PTPRD: variants seen among roughly 807,000 people sequenced by gnomAD.
PTPRD encodes the protein protein tyrosine phosphatase receptor type D.
A neutral mutation model predicts 214.5 loss-of-function variants in PTPRD; 34 were observed. The observed-to-expected ratio is 0.16, with a 90% confidence interval of 0.12 to 0.21. The LOEUF is 0.21. Ranked by LOEUF, PTPRD falls within the 10% of genes least tolerant of loss-of-function variation. The probability of loss-of-function intolerance (pLI) is 1.00; values close to 1 mark genes in which losing one functional copy is unlikely to be tolerated. For missense variants in PTPRD, 2,545 were observed against 2,398.7 expected (o/e 1.06, Z -1.27); for synonymous variants, 1,128 against 845.7 (o/e 1.33, Z -5.79).
intron 3 of PTPRD, among the ~76,000 whole-genome samples, chr9:10,309,027 A>G: frequency 6.6e-6 from 1 of 152,092 alleles, no homozygotes; most frequent in Non-Finnish European, 1.5e-5. Context: ...TTTGATATAT[A>G]AAGCCAAATT....
intron 7 of PTPRD, among the ~76,000 whole-genome samples, chr9:9,619,618 T>C (rs1467619983): frequency 1.4e-5 from 2 of 145,868 alleles, no homozygotes; most frequent in Admixed American, 6.9e-5. Context: ...AATATCTATA[T>C]ATAATAATCT....
chr9:9,037,114 G>A (rs999908802), intron 10 of PTPRD, among the ~76,000 whole-genome samples: 5 of 152,108 alleles, frequency 3.3e-5, no homozygotes, highest in Middle Eastern at 3.2e-3. Flanking sequence ...CTCACTCCGT[G>A]CCTGGAATCT....
At chr9:8,833,005 T>G (rs1325311352) in intron 11 of PTPRD, among the ~76,000 whole-genome samples, 1 of 152,144 alleles carries the variant, frequency 6.6e-6, no homozygotes, top group Admixed American at 6.5e-5. Context: ...TATTCTTACT[T>G]TGCAGATGAA....
intron 10 of PTPRD, among the ~76,000 whole-genome samples, chr9:9,064,590 C>T (rs2099721398): frequency 6.6e-6 from 1 of 152,130 alleles, no homozygotes; most frequent in Non-Finnish European, 1.5e-5. Flanking sequence ...ATAAAAAAGT[C>T]CATTATATTC....
intron 39 of PTPRD, among the ~76,000 whole-genome samples, chr9:8,353,421 A>AATGT (rs1564195567): frequency 3.6e-5 from 4 of 109,776 alleles, no homozygotes; most frequent in African/African-American, 1.0e-4. Context: ...TTTATTTATG[A>AATGT]ATGTATGAAT....
chr9:10,577,612 G>A (rs531794294), intron 2 of PTPRD, among the ~76,000 whole-genome samples: 5 of 152,252 alleles, frequency 3.3e-5, no homozygotes, highest in African/African-American at 1.2e-4. Flanking sequence ...AATTTTAATT[G>A]TTTTATGCAA....
chr9:9,154,263 T>C (rs2099879315), intron 10 of PTPRD, among the ~76,000 whole-genome samples: 1 of 152,222 alleles, frequency 6.6e-6, no homozygotes, highest in African/African-American at 2.4e-5. Context: ...TGTGGTTGTT[T>C]GTTACCGTCT....
intron 7 of PTPRD, among the ~76,000 whole-genome samples, chr9:9,683,354 T>C (rs1280879391): frequency 6.6e-6 from 1 of 151,698 alleles, no homozygotes; most frequent in Admixed American, 6.6e-5. Context: ...ATCACAGAAC[T>C]TTGTCAGCTG....
chr9:8,798,657 G>C (rs7871947), intron 11 of PTPRD, among the ~76,000 whole-genome samples: 28 of 152,136 alleles, frequency 1.8e-4, no homozygotes, highest in African/African-American at 6.3e-4. Flanking sequence ...TCTACTCTAC[G>C]TTAAGTGTTG....
intron 11 of PTPRD, among the ~76,000 whole-genome samples, chr9:8,800,288 T>G (rs1212413336): frequency 1.3e-5 from 2 of 152,188 alleles, no homozygotes; most frequent in African/African-American, 4.8e-5. Flanking sequence ...TCAGCCATTC[T>G]GTCAGAGGCA....
intron 9 of PTPRD, among the ~76,000 whole-genome samples, chr9:9,251,974 T>C (rs548733509): frequency 2.0e-5 from 3 of 152,218 alleles, no homozygotes; most frequent in South Asian, 4.1e-4. Context: ...ACTTCCCTAT[T>C]GTCTTTACAA....
chr9:9,549,512 A>G (rs1488526530), intron 8 of PTPRD, among the ~76,000 whole-genome samples: 1 of 152,108 alleles, frequency 6.6e-6, no homozygotes, highest in East Asian at 1.9e-4. Context: ...AGTCAACAAG[A>G]CTGATCTCAT....
At chr9:9,412,158 T>C (rs1456767898) in intron 8 of PTPRD, among the ~76,000 whole-genome samples, 2 of 152,210 alleles carry the variant, frequency 1.3e-5, no homozygotes, top group Middle Eastern at 3.2e-3. Flanking sequence ...TTTTCTTTTT[T>C]TGGCCAGAAT....
chr9:10,218,661 C>T (rs1056961343), intron 3 of PTPRD, among the ~76,000 whole-genome samples: 6 of 151,578 alleles, frequency 4.0e-5, no homozygotes, highest in East Asian at 1.9e-4. Context: ...AATCCATTTA[C>T]AAAATAATTG....
At chr9:9,985,529 A>C (rs1486334925) in intron 4 of PTPRD, among the ~76,000 whole-genome samples, 1 of 152,146 alleles carries the variant, frequency 6.6e-6, no homozygotes, top group Non-Finnish European at 1.5e-5. Context: ...ATGATGTGCT[A>C]GTGATACAGA....
intron 5 of PTPRD, among the ~76,000 whole-genome samples, chr9:9,837,488 G>A (rs142620428): frequency 2.6e-5 from 4 of 152,182 alleles, no homozygotes; most frequent in East Asian, 3.9e-4. Context: ...TAGGTCCAGT[G>A]TCGCATATAA....
chr9:9,956,797 C>T (rs967506884), intron 4 of PTPRD, among the ~76,000 whole-genome samples: 1 of 152,046 alleles, frequency 6.6e-6, no homozygotes, highest in Non-Finnish European at 1.5e-5. Context: ...ATTTTGTTTT[C>T]TAGCACTGAA....
chr9:9,607,718 A>G (rs952777765), intron 7 of PTPRD, among the ~76,000 whole-genome samples: 2 of 150,512 alleles, frequency 1.3e-5, no homozygotes, highest in African/African-American at 4.9e-5. Context: ...TGCTGATGTT[A>G]TTATAATACA....
At chr9:8,858,525 G>A (rs988410670) in intron 11 of PTPRD, among the ~76,000 whole-genome samples, 6 of 152,252 alleles carry the variant, frequency 3.9e-5, no homozygotes, top group Admixed American at 3.3e-4. Context: ...GAAAGTCATT[G>A]GAAAGGCTTC....
Sources: gnomAD v4.1 joint callset for allele counts (sites outside exome capture counted in the v4.1 genomes callset) on GRCh38, gnomAD v4.1.1 for gene constraint, MANE v1.5 for transcripts, NCBI Gene and HGNC (gene_info 2026-07-23, HGNC 2026-07-21) for gene names.